The following NAV2 variants were observed in gnomAD, a reference collection of about 807,000 sequenced individuals.
NAV2 encodes neuron navigator 2, also known as helicase, APC down-regulated 1.
A neutral mutation model predicts 223.2 loss-of-function variants in NAV2; 54 were observed. The ratio of observed to expected loss-of-function variants is 0.24; its 90% confidence interval spans 0.19 to 0.30. The LOEUF (loss-of-function observed/expected upper bound fraction) is 0.30, where lower values mean the gene tolerates loss of function less well. NAV2 is among the 10% of genes least tolerant of loss of function. The probability of loss-of-function intolerance (pLI) is 1.00; values close to 1 mark genes in which losing one functional copy is unlikely to be tolerated. For missense variants in NAV2, 2,806 were observed against 3,147.5 expected, an observed-to-expected ratio of 0.89 and a Z score of 2.60; for synonymous variants, 1,279 against 1,239.3, an observed-to-expected ratio of 1.03 and a Z score of -0.67.
chr11:19,636,056 T>C (rs538718642), intron 1 of NAV2, among the ~76,000 whole-genome samples: 1 of 152,340 alleles, frequency 6.6e-6, no homozygotes, highest in South Asian at 2.1e-4. Flanking sequence ...ACAACGAACT[T>C]ATCTGAGAGC....
chr11:19,511,314 A>G (rs1655435993), intron 1 of NAV2: 1 of 152,222 alleles, frequency 6.6e-6, no homozygotes, highest in Admixed American at 6.5e-5. Context: ...AAACCCCAGG[A>G]TGCTTAAACT....
At chr11:19,633,438 G>A (rs773971124) in intron 1 of NAV2, among the ~76,000 whole-genome samples, 1 of 152,256 alleles carries the variant, frequency 6.6e-6, no homozygotes, top group Non-Finnish European at 1.5e-5. Flanking sequence ...AGCTGCCAGT[G>A]GAGACACAGC....
At chr11:19,490,400 G>A (rs1159181958) in intron 1 of NAV2, among the ~76,000 whole-genome samples, 1 of 152,214 alleles carries the variant, frequency 6.6e-6, no homozygotes, top group Non-Finnish European at 1.5e-5. Flanking sequence ...AAACCCTGCT[G>A]CTGCTTTATT....
chr11:19,765,378 T>TTTCC (rs145700371), intron 1 of NAV2, among the ~76,000 whole-genome samples: 35 of 144,358 alleles, frequency 2.4e-4, no homozygotes, highest in African/African-American at 4.9e-4. Flanking sequence ...TCTTCCCTTC[T>TTTCC]TTCCTTCCTT....
intron 1 of NAV2, among the ~76,000 whole-genome samples, chr11:19,358,598 T>A (rs1853754912): frequency 6.6e-6 from 1 of 152,162 alleles, no homozygotes; most frequent in African/African-American, 2.4e-5. Flanking sequence ...GGATGTTGGT[T>A]ACAAACAGCA....
chr11:19,879,844 C>T (rs748910892), intron 4 of NAV2, 25 bp from the exon 5 acceptor site: 8 of 1,613,690 alleles, frequency 5.0e-6, no homozygotes, highest in South Asian at 3.3e-5. Context: ...CCCCATCTGA[C>T]AAGAGTCTCT....
chr11:20,049,659 A>C (rs1158083452), intron 15 of NAV2, among the ~76,000 whole-genome samples, 177 bp from the exon 16 acceptor site: 1 of 152,024 alleles, frequency 6.6e-6, no homozygotes, highest in Non-Finnish European at 1.5e-5. Context: ...TCAAGAAATT[A>C]AAAGTGTTCT....
At chr11:20,074,331 C>G (rs1257106844) in intron 22 of NAV2, among the ~76,000 whole-genome samples, 3 of 152,114 alleles carry the variant, frequency 2.0e-5, no homozygotes, top group Non-Finnish European at 4.4e-5. Context: ...TTTGCATTTG[C>G]TGAGGAGTGT....
At chr11:19,755,897 A>G (rs899758977) in intron 1 of NAV2, among the ~76,000 whole-genome samples, 5 of 152,244 alleles carry the variant, frequency 3.3e-5, no homozygotes, top group South Asian at 2.1e-4. Context: ...CAGTCTGGAC[A>G]GGACAACCAC....
chr11:19,413,490 G>A (rs1850232013), intron 1 of NAV2, among the ~76,000 whole-genome samples: 1 of 152,124 alleles, frequency 6.6e-6, no homozygotes, highest in African/African-American at 2.4e-5. Context: ...AACCAAGTTG[G>A]TAAACACTCT....
At chr11:20,074,681 C>T (rs2153651308) in intron 22 of NAV2, among the ~76,000 whole-genome samples, 1 of 150,436 alleles carries the variant, frequency 6.6e-6, no homozygotes, top group East Asian at 1.9e-4. Context: ...TCTTTACCGT[C>T]ATGTAATGGC....
chr11:19,855,525 A>G (rs1417851241), intron 3 of NAV2, among the ~76,000 whole-genome samples: 1 of 152,160 alleles, frequency 6.6e-6, no homozygotes, highest in Non-Finnish European at 1.5e-5. Context: ...TGGTGGGAAC[A>G]TGGTACCAGT....
intron 1 of NAV2, among the ~76,000 whole-genome samples, chr11:19,427,333 CT>C (rs2133560927): frequency 6.6e-6 from 1 of 152,356 alleles, no homozygotes; most frequent in African/African-American, 2.4e-5. Context: ...TGCAATTGTG[CT>C]GGTCCTTCTT....
chr11:19,641,107 A>C (rs887694196), intron 1 of NAV2, among the ~76,000 whole-genome samples: 3 of 152,178 alleles, frequency 2.0e-5, no homozygotes, highest in Non-Finnish European at 4.4e-5. Flanking sequence ...CTGGGCAGAC[A>C]GGCCCCTGTG....
At position 19,652,587 on chromosome 11, in the gene NAV2, C is replaced by T. The variant is rs185758168; in HGVS notation, c.76-179897C>T. 2.7e-3 allele frequency among the ~76,000 whole-genome samples: 411 copies of T among 152,306 alleles called. 2 individuals are homozygous for T. Among genetic ancestry groups the T allele is most frequent in the Non-Finnish European group, 4.4e-3 (298 of 68,026 alleles). ...CCACTGCCCTTTTCTCCCTTAGCTT[C>T]CCAAGTAACACATGCATAAAGCAAT... On this transcript the variant is annotated intron_variant, in intron 1 of 37. Coordinates refer to the NAV2 transcript ENST00000360655.
chr11:19,977,724 G>T (rs1278721502), intron 10 of NAV2, among the ~76,000 whole-genome samples: 5 of 148,766 alleles, frequency 3.4e-5, no homozygotes, highest in Non-Finnish European at 7.4e-5. Flanking sequence ...TCATATTTTT[G>T]CATTTCAGAG....
At chr11:19,390,071 T>A (rs572753763) in intron 1 of NAV2, among the ~76,000 whole-genome samples, 2 of 152,276 alleles carry the variant, frequency 1.3e-5, no homozygotes, top group African/African-American at 2.4e-5. Flanking sequence ...TGTAGGCTCA[T>A]AAATTTGTGG....
At chr11:19,763,521 G>T (rs1236277648) in intron 1 of NAV2, among the ~76,000 whole-genome samples, 1 of 152,158 alleles carries the variant, frequency 6.6e-6, no homozygotes, top group Non-Finnish European at 1.5e-5. Context: ...GTTGTGTGAA[G>T]CCTGGGGGCG....
chr11:19,618,492 A>G (rs867896001), intron 1 of NAV2, among the ~76,000 whole-genome samples: 2 of 137,094 alleles, frequency 1.5e-5, no homozygotes, highest in Admixed American at 7.2e-5. Flanking sequence ...CTGTCTGGAT[A>G]GATGGATGGA....
Sources: allele counts gnomAD v4.1 joint callset (sites outside exome capture counted in the v4.1 genomes callset), GRCh38; gene constraint gnomAD v4.1.1; transcripts MANE v1.5; gene names NCBI Gene and HGNC (gene_info 2026-07-23, HGNC 2026-07-21).